Variants in ZNF354B observed in about 807,000 individuals in gnomAD.
ZNF354B encodes zinc finger protein 354B.
ZNF354B carries 10 observed loss-of-function variants against 12.9 expected under a neutral mutation model. The observed-to-expected ratio is 0.77, with a 90% confidence interval of 0.48 to 1.31. The LOEUF (loss-of-function observed/expected upper bound fraction) is 1.31, where lower values mean the gene tolerates loss of function less well. Ranked by LOEUF, ZNF354B falls within the 40% of genes most tolerant of loss-of-function variation. The probability of loss-of-function intolerance (pLI) is 0.00; values close to 1 mark genes in which losing one functional copy is unlikely to be tolerated. For missense variants in ZNF354B, 614 were observed against 711.7 expected, an observed-to-expected ratio of 0.86 and a Z score of 1.56; for synonymous variants, 260 against 243.7, an observed-to-expected ratio of 1.07 and a Z score of -0.62.
chr5:178,866,116 A>G (rs2114009534), intron 2 of ZNF354B, 128 bp from the exon 3 acceptor site: 1 of 1,359,784 alleles, frequency 7.4e-7, no homozygotes, highest in East Asian at 2.4e-5. Context: ...CATTAAAGGA[A>G]TGACCTGGAA....
rs770354688 is a variant in ZNF354B, at chr5:178,867,033, G to T, written c.218G>T (p.Trp73Leu). The T allele has an allele frequency of 8.7e-6, 14 of 1,613,720 alleles. No individual in the cohort carries two copies. In the East Asian group the frequency reaches 3.1e-4, roughly 36 times the overall value. ...CTGTTGCAGCAAGGAGAAGATCCCT[G>T]GGAGGTGGAGAAAGACAGTTCTGGT... The part of the protein sequence containing the change: ...ISLLQQGEDP[W>L]EVEKDSSGVS... Residue 73 changes from tryptophan (W) to leucine (L), a missense_variant, in exon 4 of 5, where the codon TGG (tryptophan) becomes TTG (leucine). Transcript: ENST00000322434.
intron 1 of ZNF354B, among the ~76,000 whole-genome samples, chr5:178,860,479 C>G (rs1424872716): frequency 1.3e-5 from 2 of 152,166 alleles, no homozygotes; most frequent in African/African-American, 4.8e-5. Flanking sequence ...GGCCACTCCT[C>G]CTGCCTCGGG....
In ZNF354B at chr5:178,883,500, A is replaced by G. The variant is rs1421459437; in HGVS notation, c.1048A>G (p.Arg350Gly). 6.2e-7 allele frequency: 1 copy of G among 1,614,026 alleles called. No homozygotes were observed. The highest frequency in any genetic ancestry group is 2.2e-5 in the East Asian group (1 of 44,888). Reference sequence around the variant, plus strand: ...TTCTGGAAGTCAGAAAATTCATCTCAGAAAGAAGTCCTACTTATGTAATGA... The same window carrying G: ...TTCTGGAAGTCAGAAAATTCATCTCGGAAAGAAGTCCTACTTATGTAATGA... ...SLSGSQKIHL[R>G]KKSYLCNECG... Residue 350 changes from arginine to glycine, a missense_variant, in exon 5 of 5, where the codon AGA (arginine) becomes GGA (glycine). Coordinates refer to ENST00000322434, the MANE Select transcript of ZNF354B (RefSeq NM_058230.3).
At chr5:178,873,582 C>T (rs1581813013) in intron 4 of ZNF354B, among the ~76,000 whole-genome samples, 1 of 143,418 alleles carries the variant, frequency 7.0e-6, no homozygotes, top group Non-Finnish European at 1.5e-5. Context: ...GTCACTTGGG[C>T]GTGTTGGGTT....
chr5:178,876,168 G>A (rs990537830), intron 4 of ZNF354B, among the ~76,000 whole-genome samples: 1 of 152,242 alleles, frequency 6.6e-6, no homozygotes, highest in Non-Finnish European at 1.5e-5. Flanking sequence ...CCTCCTCAGA[G>A]AAATGCAGAG....
intron 4 of ZNF354B, among the ~76,000 whole-genome samples, chr5:178,875,132 T>C (rs983172663): frequency 6.6e-5 from 10 of 152,210 alleles, no homozygotes; most frequent in African/African-American, 2.4e-4. Flanking sequence ...CTCAGTGCTC[T>C]GAAAATGTGG....
Position 178,860,106 on chromosome 5 carries a change from G to C in ZNF354B, c.-73G>C, listed in dbSNP as rs1322529512. On this transcript the variant is annotated 5_prime_UTR_variant, in exon 1 of 5. Coordinates refer to ENST00000322434, the MANE Select transcript of ZNF354B (RefSeq NM_058230.3). ...AGAGTGCGGCGGGGAGGCGCGGCCC[G>C]GGAACGCGGGATCCTGGGGAGGTGA... 6.6e-6 allele frequency: 1 copy of C among 152,566 alleles called. No individual in the cohort carries two copies. Among genetic ancestry groups the C allele is most frequent in the Non-Finnish European group, 1.5e-5 (1 of 68,378 alleles). The allele number at this position is 152,566 out of a possible 1,614,324, so 9.5% of individuals were successfully genotyped here.
chr5:178,866,926 G>T (rs372735406), intron 3 of ZNF354B, 50 bp from the exon 4 acceptor site: 1 of 1,559,094 alleles, frequency 6.4e-7, no homozygotes, highest in Admixed American at 1.7e-5. Context: ...ATACTTTGTT[G>T]TGTCAAAACG....
chr5:178,862,561 G>A (rs1166527878), intron 2 of ZNF354B, among the ~76,000 whole-genome samples: 1 of 152,052 alleles, frequency 6.6e-6, no homozygotes, highest in Non-Finnish European at 1.5e-5. Context: ...GTAGAGACGG[G>A]GTTTCACCAT....
intron 4 of ZNF354B, among the ~76,000 whole-genome samples, chr5:178,867,872 AAG>A (rs768902027): frequency 2.0e-5 from 3 of 152,182 alleles, no homozygotes; most frequent in Non-Finnish European, 4.4e-5. Context: ...ATTTTTCACA[AAG>A]AGAATATATT....
chr5:178,879,356 A>G (rs1237170180), intron 4 of ZNF354B, among the ~76,000 whole-genome samples: 2 of 145,894 alleles, frequency 1.4e-5, no homozygotes, highest in Non-Finnish European at 3.0e-5. Flanking sequence ...CTGTGTGCTG[A>G]TTTCTTTGCA....
intron 4 of ZNF354B, among the ~76,000 whole-genome samples, chr5:178,880,210 T>C (rs1468253846): frequency 1.3e-5 from 2 of 152,044 alleles, no homozygotes; most frequent in South Asian, 2.1e-4. Flanking sequence ...TTCTTTCTTT[T>C]TTTTTTTTTA....
chr5:178,867,057 G>A lies in ZNF354B; in HGVS notation c.242G>A (p.Gly81Asp). Residue 81 changes from glycine (G) to aspartate (D), a missense_variant, in exon 4 of 5, where the codon GGT becomes GAT. Coordinates refer to ENST00000322434, the MANE Select transcript of ZNF354B (RefSeq NM_058230.3). Reference sequence around the variant, plus strand: ...TGGGAGGTGGAGAAAGACAGTTCTGGTGTCTCCTCTCTAGGTAAGTGGGTG... The same window carrying A: ...TGGGAGGTGGAGAAAGACAGTTCTGATGTCTCCTCTCTAGGTAAGTGGGTG... Reference protein sequence around the residue: ...DPWEVEKDSSGVSSLGCKSTP... With the variant: ...DPWEVEKDSSDVSSLGCKSTP... The A allele has an allele frequency of 6.2e-7, 1 of 1,613,400 alleles. No individual in the cohort carries two copies. Among genetic ancestry groups the A allele is most frequent in the Non-Finnish European group, 8.5e-7 (1 of 1,179,912 alleles).
chr5:178,879,363 T>C (rs1183740762), intron 4 of ZNF354B, among the ~76,000 whole-genome samples: 3 of 150,944 alleles, frequency 2.0e-5, no homozygotes, highest in Non-Finnish European at 4.4e-5. Context: ...CTGATTTCTT[T>C]GCAGAAACCA....
intron 1 of ZNF354B, among the ~76,000 whole-genome samples, chr5:178,860,485 T>G (rs1260878150): frequency 1.3e-5 from 2 of 152,112 alleles, no homozygotes; most frequent in Non-Finnish European, 2.9e-5. Flanking sequence ...TCCTCCTGCC[T>G]CGGGACACCC....
intron 4 of ZNF354B, among the ~76,000 whole-genome samples, chr5:178,871,433 C>T (rs202087042): frequency 1.3e-5 from 2 of 152,228 alleles, no homozygotes; most frequent in Non-Finnish European, 2.9e-5. Flanking sequence ...TCATCTGACA[C>T]GCAGCCCTGC....
In ZNF354B at chr5:178,860,895, G is replaced by A. The variant is rs1426381673; in HGVS notation, c.-51-102G>A. ...CCTGGCTCCTCCCGAATCCCTGTGA[G>A]GGCGCGCGGGGTCCTTCTCAGCGGG... is the stretch of plus-strand genomic sequence containing the variant. On this transcript the variant is annotated intron_variant, in intron 1 of 4. Transcript: ENST00000322434. 3 of 490,632 alleles carry A rather than the reference G, an allele frequency of 6.1e-6. No individual in the cohort carries two copies. The African/African-American group carries it at 7.0e-5, about 11-fold the overall frequency. The allele number at this position is 490,632 out of a possible 1,614,324, so 30.4% of individuals were successfully genotyped here.
At chr5:178,863,593 A>G (rs1292375638) in intron 2 of ZNF354B, among the ~76,000 whole-genome samples, 4 of 152,216 alleles carry the variant, frequency 2.6e-5, no homozygotes, top group African/African-American at 7.2e-5. Flanking sequence ...GCTGGGTTAT[A>G]TATTTATTGT....
At chr5:178,864,084 TAGCCTA>T (rs1209721589) in intron 2 of ZNF354B, among the ~76,000 whole-genome samples, 2 of 152,224 alleles carry the variant, frequency 1.3e-5, no homozygotes, top group East Asian at 3.8e-4. Flanking sequence ...AAATTTAGTG[TAGCCTA>T]AGTGTACAGT....
Sources: allele counts gnomAD v4.1 joint callset (sites outside exome capture counted in the v4.1 genomes callset), GRCh38; gene constraint gnomAD v4.1.1; transcripts MANE v1.5; gene names NCBI Gene and HGNC (gene_info 2026-07-23, HGNC 2026-07-21).